Variants in CNTN5 observed in about 807,000 individuals in gnomAD.
CNTN5 encodes contactin-5.
In CNTN5, 77 loss-of-function variants were observed where a neutral mutation model predicts 129.1. The ratio of observed to expected loss-of-function variants is 0.60; its 90% CI spans 0.50 to 0.72. The LOEUF is 0.72. CNTN5 is among the 30% of genes least tolerant of loss of function. CNTN5 has a pLI of 0.00. For synonymous variants in CNTN5, 509 were observed against 465.6 expected, an observed-to-expected ratio of 1.09 and a Z score of -1.20; for missense variants, 1,478 against 1,328.8, an observed-to-expected ratio of 1.11 and a Z score of -1.75.
chr11:99,196,825 A>T (rs1049386383), intron 1 of CNTN5, among the ~76,000 whole-genome samples: 1 of 152,030 alleles, frequency 6.6e-6, no homozygotes, highest in Non-Finnish European at 1.5e-5. Flanking sequence ...AGATTAAATT[A>T]TAAACATAGC....
chr11:99,069,993 G>A lies in CNTN5; in HGVS notation c.-210+48723G>A, dbSNP rs530240623. Among the ~76,000 whole-genome samples the A allele has an allele frequency of 4.6e-5, 7 of 152,264 alleles. 1 individual carries two copies. In the South Asian group the frequency reaches 8.3e-4, roughly 18 times the overall value. On this transcript the variant is annotated intron_variant, in intron 1 of 24. Coordinates refer to ENST00000524871, the MANE Select transcript of CNTN5 (RefSeq NM_014361.4). ...CAGAGCTCCCTCTTCCGATAATGAG[G>A]TCTGCGTTGCCAGCCAGCCACACTG...
intron 6 of CNTN5, among the ~76,000 whole-genome samples, chr11:99,846,918 C>A (rs575379448): frequency 2.6e-5 from 4 of 152,168 alleles, no homozygotes; most frequent in East Asian, 1.9e-4. Context: ...TAAATAGATT[C>A]TTTTTTATTT....
chr11:99,720,292 A>G (rs770404284), intron 3 of CNTN5, among the ~76,000 whole-genome samples: 5 of 152,142 alleles, frequency 3.3e-5, no homozygotes, highest in Non-Finnish European at 7.4e-5. Context: ...AAATACTTGC[A>G]AACCAAATCT....
intron 2 of CNTN5, among the ~76,000 whole-genome samples, chr11:99,342,563 C>T (rs1176788001): frequency 3.8e-5 from 4 of 104,558 alleles, no homozygotes; most frequent in African/African-American, 4.4e-5. Context: ...GGCGAAACCC[C>T]GTTATCTCAA....
chr11:99,560,849 A>G (rs1404393376), intron 3 of CNTN5, among the ~76,000 whole-genome samples: 1 of 152,112 alleles, frequency 6.6e-6, no homozygotes, highest in African/African-American at 2.4e-5. Flanking sequence ...AAGCAAGAGA[A>G]GAAGTTTAGA....
intron 1 of CNTN5, among the ~76,000 whole-genome samples, chr11:99,206,099 GT>G (rs1278585847): frequency 6.6e-6 from 1 of 152,018 alleles, no homozygotes; most frequent in East Asian, 1.9e-4. Context: ...GCCACCTTTG[GT>G]TTTCTCGAGT....
At chr11:99,930,860 T>A (rs1438112142) in intron 7 of CNTN5, among the ~76,000 whole-genome samples, 1 of 151,842 alleles carries the variant, frequency 6.6e-6, no homozygotes, top group Non-Finnish European at 1.5e-5. Flanking sequence ...AGTGCTTAAG[T>A]GTCTATTTTA....
At chr11:100,129,285 A>C (rs937887811) in intron 13 of CNTN5, among the ~76,000 whole-genome samples, 3 of 152,150 alleles carry the variant, frequency 2.0e-5, no homozygotes, top group African/African-American at 4.8e-5. Flanking sequence ...CCTTTTTTCT[A>C]TTCACAGCTA....
chr11:100,099,425 C>G (rs758290957), intron 13 of CNTN5, among the ~76,000 whole-genome samples: 2 of 152,054 alleles, frequency 1.3e-5, no homozygotes, highest in Non-Finnish European at 2.9e-5. Flanking sequence ...TAAGATCAAT[C>G]TACCCTCATT....
chr11:99,348,066 A>G (rs556221121), intron 2 of CNTN5, among the ~76,000 whole-genome samples: 11 of 152,360 alleles, frequency 7.2e-5, no homozygotes, highest in African/African-American at 2.6e-4. Context: ...AACAAATTAA[A>G]TTTAAATAAT....
At chr11:99,255,705 G>A (rs1026065106) in intron 1 of CNTN5, among the ~76,000 whole-genome samples, 17 of 151,226 alleles carry the variant, frequency 1.1e-4, no homozygotes, top group Middle Eastern at 3.4e-3. Context: ...AAAGAATTGT[G>A]CATTTTTTAC....
intron 3 of CNTN5, among the ~76,000 whole-genome samples, chr11:99,746,252 A>G (rs947785264): frequency 2.0e-5 from 3 of 152,170 alleles, no homozygotes; most frequent in East Asian, 1.9e-4. Context: ...TGATTTTTGT[A>G]TATAGTGTGA....
At chr11:99,865,570 C>T (rs1267149970) in intron 6 of CNTN5, among the ~76,000 whole-genome samples, 2 of 151,476 alleles carry the variant, frequency 1.3e-5, no homozygotes, top group Non-Finnish European at 2.9e-5. Context: ...AATGATATAA[C>T]TACTTGAGAA....
chr11:100,332,307 AC>A (rs201130922), intron 21 of CNTN5, among the ~76,000 whole-genome samples: 1,709 of 152,170 alleles, frequency 0.011, 18 homozygotes, highest in Non-Finnish European at 0.015. Context: ...GTCTGAACAG[AC>A]CAATAATGAG....
intron 1 of CNTN5, among the ~76,000 whole-genome samples, chr11:99,054,436 T>C (rs1007461712): frequency 6.6e-6 from 1 of 151,960 alleles, no homozygotes; most frequent in Non-Finnish European, 1.5e-5. Context: ...AACAAACTTA[T>C]AGGAACCTAT....
At chr11:99,671,887 T>C (rs1274617312) in intron 3 of CNTN5, among the ~76,000 whole-genome samples, 2 of 152,150 alleles carry the variant, frequency 1.3e-5, no homozygotes, top group East Asian at 3.9e-4. Context: ...TGCGCACGCA[T>C]ACATAATAAT....
intron 3 of CNTN5, among the ~76,000 whole-genome samples, chr11:99,658,334 C>T (rs185318855): frequency 1.3e-5 from 2 of 152,174 alleles, no homozygotes; most frequent in African/African-American, 2.4e-5. Flanking sequence ...TAATTCAGAA[C>T]AAGTGAATAG....
chr11:100,034,619 C>A (rs934410467), intron 9 of CNTN5, among the ~76,000 whole-genome samples: 23 of 152,128 alleles, frequency 1.5e-4, no homozygotes, highest in African/African-American at 5.3e-4. Flanking sequence ...CCTGTTTTCA[C>A]GAAACAGGTT....
chr11:99,682,292 T>TAA (rs1298020802), intron 3 of CNTN5, among the ~76,000 whole-genome samples: 2 of 151,332 alleles, frequency 1.3e-5, no homozygotes, highest in Non-Finnish European at 2.9e-5. Flanking sequence ...TATTCAAGTG[T>TAA]AAAATGAAAA....
Sources: allele counts gnomAD v4.1 joint callset (sites outside exome capture counted in the v4.1 genomes callset), GRCh38; gene constraint gnomAD v4.1.1; transcripts MANE v1.5; gene names NCBI Gene and HGNC (gene_info 2026-07-23, HGNC 2026-07-21).